The following C1QTNF3 variants were observed in gnomAD, a reference collection of about 807,000 sequenced individuals.
C1QTNF3 encodes complement C1q tumor necrosis factor-related protein 3.
A neutral mutation model predicts 32.6 loss-of-function variants in C1QTNF3; 26 were observed. That is an observed-to-expected ratio of 0.80 (90% CI 0.58 to 1.11). The LOEUF is 1.11. C1QTNF3 is among the 50% of genes least tolerant of loss of function. The pLI is 0.00. For missense variants in C1QTNF3, 362 were observed against 398.2 expected (o/e 0.91, Z 0.77); for synonymous variants, 155 against 146.0 (o/e 1.06, Z -0.44).
chr5:34,127,602 T>C, the C1QTNF3 span, among the ~76,000 whole-genome samples: 1 of 151,156 alleles, frequency 6.6e-6, no homozygotes, highest in East Asian at 1.9e-4. Context: ...TTTTTTTTTT[T>C]TTTGAGACGG....
the C1QTNF3 span, chr5:34,164,955 T>C: frequency 2.0e-5 from 3 of 151,896 alleles, no homozygotes; most frequent in Non-Finnish European, 2.9e-5. Context: ...AGTGCCTATA[T>C]CACAGTTAAA....
chr5:34,082,563 C>G, the C1QTNF3 span, among the ~76,000 whole-genome samples: 3 of 151,682 alleles, frequency 2.0e-5, no homozygotes, highest in African/African-American at 7.3e-5. Context: ...TCGTCTCTGA[C>G]TATTGAATCG....
At chr5:34,129,466 A>G in the C1QTNF3 span, among the ~76,000 whole-genome samples, 3 of 152,188 alleles carry the variant, frequency 2.0e-5, no homozygotes, top group Non-Finnish European at 4.4e-5. Context: ...AGAGTGCAAT[A>G]TTTCTGTGAG....
chr5:34,132,863 A>G, the C1QTNF3 span, among the ~76,000 whole-genome samples: 1 of 152,166 alleles, frequency 6.6e-6, no homozygotes, highest in Non-Finnish European at 1.5e-5. Context: ...TTTCTTCACA[A>G]TCTTCCACAA....
chr5:34,244,597 G>A, the C1QTNF3 span: 1 of 152,230 alleles, frequency 6.6e-6, no homozygotes, highest in East Asian at 1.9e-4. Flanking sequence ...ACAGAGCACT[G>A]ATTAGTGCGT....
chr5:34,026,672 T>C (rs1754469246), intron 4 of C1QTNF3, among the ~76,000 whole-genome samples: 1 of 152,082 alleles, frequency 6.6e-6, no homozygotes, highest in Non-Finnish European at 1.5e-5. Context: ...GCCTTTGAGT[T>C]ATCCAGTCTA....
the C1QTNF3 span, among the ~76,000 whole-genome samples, chr5:34,172,783 C>A: frequency 6.6e-6 from 1 of 152,104 alleles, no homozygotes; most frequent in Admixed American, 6.6e-5. Flanking sequence ...TAAATACATG[C>A]AAACTAACTT....
At chr5:34,038,838 G>GGGTA (rs111386369) in intron 1 of C1QTNF3, among the ~76,000 whole-genome samples, 2,604 of 152,220 alleles carry the variant, frequency 0.017, 81 homozygotes, top group African/African-American at 0.06. Context: ...GACATGAGCA[G>GGGTA]GGTAGGGGAG....
At chr5:34,210,047 C>G in the C1QTNF3 span, among the ~76,000 whole-genome samples, 2 of 151,874 alleles carry the variant, frequency 1.3e-5, no homozygotes, top group East Asian at 3.9e-4. Context: ...TATTGATGCA[C>G]AGAGGAATGA....
chr5:34,072,636 A>T, the C1QTNF3 span, among the ~76,000 whole-genome samples: 80 of 152,290 alleles, frequency 5.3e-4, no homozygotes, highest in African/African-American at 1.8e-3. Context: ...TTATATGAAA[A>T]TCATGAGACT....
the C1QTNF3 span, among the ~76,000 whole-genome samples, chr5:34,072,773 G>A: frequency 6.6e-6 from 1 of 152,056 alleles, no homozygotes; most frequent in Non-Finnish European, 1.5e-5. Flanking sequence ...TTCAAATTTT[G>A]TAATTATTAC....
chr5:34,241,895 A>AAAGGAAGGAAATAAGAAAAGG, the C1QTNF3 span, among the ~76,000 whole-genome samples: 23 of 148,032 alleles, frequency 1.6e-4, no homozygotes, highest in African/African-American at 5.4e-4. Context: ...CTGTCTCAAA[A>AAAGGAAGGAAATAAGAAAAGG]AAGGAAGGAA....
the C1QTNF3 span, among the ~76,000 whole-genome samples, chr5:34,173,153 A>G: frequency 1.3e-5 from 2 of 152,244 alleles, no homozygotes; most frequent in African/African-American, 4.8e-5. Context: ...ATTCCCTAAG[A>G]AATACTATAC....
chr5:34,230,499 A>G, the C1QTNF3 span, among the ~76,000 whole-genome samples: 1 of 152,230 alleles, frequency 6.6e-6, no homozygotes, highest in Admixed American at 6.5e-5. Context: ...AAAACAAAAT[A>G]AAAAAGTAAA....
At chr5:34,156,240 T>C in the C1QTNF3 span, among the ~76,000 whole-genome samples, 1 of 152,008 alleles carries the variant, frequency 6.6e-6, no homozygotes, top group African/African-American at 2.4e-5. Context: ...CCAGGTAATT[T>C]GTGTAATTTT....
chr5:34,173,226 T>G, the C1QTNF3 span, among the ~76,000 whole-genome samples: 89 of 152,286 alleles, frequency 5.8e-4, 1 homozygote, highest in Middle Eastern at 3.4e-3. Context: ...ATGAATTTAG[T>G]AAAGCAACTT....
chr5:34,085,016 A>T, the C1QTNF3 span, among the ~76,000 whole-genome samples: 1 of 106,460 alleles, frequency 9.4e-6, no homozygotes, highest in African/African-American at 4.0e-5. Flanking sequence ...TTTGTGACAG[A>T]GTCTCACTCT....
At chr5:34,030,854 T>C (rs763613019) in intron 3 of C1QTNF3, among the ~76,000 whole-genome samples, 8 of 152,144 alleles carry the variant, frequency 5.3e-5, no homozygotes, top group Non-Finnish European at 1.2e-4. Context: ...ACACTGCATG[T>C]TCTCATGTAT....
At chr5:34,071,914 G>A in the C1QTNF3 span, among the ~76,000 whole-genome samples, 1 of 152,104 alleles carries the variant, frequency 6.6e-6, no homozygotes, top group Non-Finnish European at 1.5e-5. Flanking sequence ...GAGTTCACAA[G>A]AAGGGATGCA....
Sources: allele counts gnomAD v4.1 joint callset (sites outside exome capture counted in the v4.1 genomes callset), GRCh38; gene constraint gnomAD v4.1.1; transcripts MANE v1.5; gene names NCBI Gene and HGNC (gene_info 2026-07-23, HGNC 2026-07-21).